Variants in EPB41L5 observed in about 807,000 individuals in gnomAD.
The protein encoded by EPB41L5 is erythrocyte membrane protein band 4.1 like 5, also known as band 4.1-like protein 5.
A neutral mutation model predicts 106.6 loss-of-function variants in EPB41L5; 55 were observed. The ratio of observed to expected loss-of-function variants is 0.52; its 90% confidence interval spans 0.42 to 0.65. The LOEUF is 0.65. Among genes scored for constraint, EPB41L5 ranks in the 30% least tolerant of loss-of-function variants. The pLI, the probability that EPB41L5 is intolerant of heterozygous loss-of-function variation, is 0.00. For synonymous variants in EPB41L5, 297 were observed against 306.7 expected, an observed-to-expected ratio of 0.97 and a Z score of 0.33; for missense variants, 871 against 882.1, an observed-to-expected ratio of 0.99 and a Z score of 0.16.
At chr2:120,130,430 A>G (rs972385542) in intron 17 of EPB41L5, among the ~76,000 whole-genome samples, 2 of 152,220 alleles carry the variant, frequency 1.3e-5, no homozygotes, top group African/African-American at 4.8e-5. Flanking sequence ...CACATAGGTA[A>G]ATAGTTACAA....
intron 21 of EPB41L5, 144 bp downstream of exon 21, chr2:120,161,118 C>G (rs1226805012): frequency 1.9e-5 from 12 of 638,942 alleles, no homozygotes; most frequent in South Asian, 1.5e-4. Context: ...GGGCTCACAC[C>G]TATAATTCCA....
chr2:120,173,882 A>C (rs560199968), intron 24 of EPB41L5, among the ~76,000 whole-genome samples: 1 of 151,958 alleles, frequency 6.6e-6, no homozygotes, highest in South Asian at 2.1e-4. Flanking sequence ...ACGTCATCTC[A>C]CTTTGTTGCC....
intron 4 of EPB41L5, 23 bp from the exon 5 acceptor site, chr2:120,074,077 C>A (rs1318539297): frequency 6.6e-7 from 1 of 1,505,510 alleles, no homozygotes; most frequent in Non-Finnish European, 9.1e-7. Flanking sequence ...TTTATTAAAA[C>A]CTTTTTTTTT....
intron 16 of EPB41L5, chr2:120,105,739 C>G: frequency 3.0e-6 from 3 of 985,320 alleles, no homozygotes; most frequent in Non-Finnish European, 2.4e-6. Flanking sequence ...AAAATGGCCA[C>G]TAATGTATGG....
At chr2:120,031,541 G>GT (rs1405446156) in intron 2 of EPB41L5, among the ~76,000 whole-genome samples, 2 of 152,084 alleles carry the variant, frequency 1.3e-5, no homozygotes, top group Non-Finnish European at 2.9e-5. Flanking sequence ...TCACTTTCCT[G>GT]TTTCCAGTTT....
chr2:120,124,887 T>TA (rs1316908556), intron 16 of EPB41L5, among the ~76,000 whole-genome samples: 1 of 152,264 alleles, frequency 6.6e-6, no homozygotes, highest in African/African-American at 2.4e-5. Context: ...AGATTGAGGT[T>TA]AAACATTTTT....
chr2:120,097,509 G>T (rs1683837346), intron 14 of EPB41L5, among the ~76,000 whole-genome samples: 1 of 152,130 alleles, frequency 6.6e-6, no homozygotes. Context: ...CATTTTTCTT[G>T]TACTGTTTTG....
chr2:120,023,628 C>G (rs1558801530), intron 2 of EPB41L5, among the ~76,000 whole-genome samples: 1 of 152,078 alleles, frequency 6.6e-6, no homozygotes, highest in Non-Finnish European at 1.5e-5. Flanking sequence ...ATGCCTCAAG[C>G]TTTGTTCTTT....
Position 120,055,481 on chromosome 2 carries a change from ATTTTT to A in EPB41L5, c.285+13392_285+13396del, listed in dbSNP as rs34856540. On this transcript the variant is annotated intron_variant, in intron 3 of 24. Transcript: ENST00000263713. ...TGTCTTTCTCTGTATTAGGTTTTTAATTTTTTTTTTTTTTTTTTTTTTTTTGAGAC... is the reference window on the plus strand; with the variant it reads ...TGTCTTTCTCTGTATTAGGTTTTTAATTTTTTTTTTTTTTTTTTTTGAGAC... Among the ~76,000 whole-genome samples the A allele has an allele frequency of 4.9e-4, 42 of 85,572 alleles. 1 individual carries two copies. The South Asian group carries it at 0.015, about 31-fold the overall frequency. The allele number at this position is 85,572 out of a possible 152,430, so 56.1% of individuals were successfully genotyped here. A position where few individuals can be genotyped will look rare whatever the true frequency, so the allele number is the denominator to read the frequency against.
At chr2:120,125,834 G>T (rs1223419839) in intron 16 of EPB41L5, among the ~76,000 whole-genome samples, 1 of 152,130 alleles carries the variant, frequency 6.6e-6, no homozygotes, top group Non-Finnish European at 1.5e-5. Flanking sequence ...ACTGAACTTT[G>T]TCTCAGTAAG....
Position 120,174,998 on chromosome 2 carries a change from T to C in EPB41L5, c.*91T>C. 1.6e-6 allele frequency: 2 copies of C among 1,271,272 alleles called. No homozygotes were observed. Among genetic ancestry groups the C allele is most frequent in the Admixed American group, 1.7e-5 (1 of 58,084 alleles). The allele number at this position is 1,271,272 out of a possible 1,614,324, so 78.7% of individuals were successfully genotyped here. ...GTTGGATTCAGGAGCTTGTCCATTA[T>C]TTGTAGGTAAAAAAAGCTGCACGTA... is the stretch of plus-strand genomic sequence containing the variant. On this transcript the variant is annotated 3_prime_UTR_variant, in exon 25 of 25. Transcript: ENST00000263713.
intron 2 of EPB41L5, 111 bp from the exon 3 acceptor site, chr2:120,041,894 AT>A (rs1223337581): frequency 1.6e-6 from 1 of 641,184 alleles, no homozygotes; most frequent in African/African-American, 1.8e-5. Context: ...TACTTTTGGT[AT>A]TGCAAGTCCT....
chr2:120,035,838 AG>A lies in EPB41L5; in HGVS notation c.181-6165del, dbSNP rs1372707443. Among the ~76,000 whole-genome samples the A allele has an allele frequency of 3.9e-5, 6 of 152,348 alleles. No homozygotes were observed. The East Asian group carries it at 1.2e-3, about 29-fold the overall frequency. On this transcript the variant is annotated intron_variant, in intron 2 of 24. Coordinates refer to ENST00000263713, the MANE Select transcript of EPB41L5 (RefSeq NM_020909.4). ...TTTGGGACAAGATAATGAAGTAATA[AG>A]GGCTTCTAGTGTCCTAAGATTAACC...
In EPB41L5 at chr2:120,048,860, G is replaced by T. The variant is rs550119535; in HGVS notation, c.285+6750G>T. Among the ~76,000 whole-genome samples, 11 of 152,274 alleles carry T rather than the reference G, an allele frequency of 7.2e-5. No individual in the cohort carries two copies. In the South Asian group the frequency reaches 2.1e-3, roughly 29 times the overall value. ...AAATGGGTCCCAGAGATTCTGGTAT[G>T]TTGTGTCTTTGTTCTCATTGATTTC... On this transcript the variant is annotated intron_variant, in intron 3 of 24. Transcript: ENST00000263713.
chr2:120,164,935 A>G (rs1023560606), intron 22 of EPB41L5, 25 bp downstream of exon 22: 2 of 1,515,392 alleles, frequency 1.3e-6, no homozygotes, highest in Non-Finnish European at 1.8e-6. Context: ...AAATAGTATG[A>G]TGGAAAGAAA....
chr2:120,053,086 T>G (rs1366426413), intron 3 of EPB41L5, among the ~76,000 whole-genome samples: 1 of 152,224 alleles, frequency 6.6e-6, no homozygotes, highest in African/African-American at 2.4e-5. Context: ...TTATTTTTTA[T>G]TTTTATTTTT....
At chr2:120,163,185 A>G (rs1687208337) in intron 21 of EPB41L5, among the ~76,000 whole-genome samples, 1 of 151,496 alleles carries the variant, frequency 6.6e-6, no homozygotes. Context: ...AGCCCAGGAA[A>G]TTCAGGCTGC....
At chr2:120,106,716 G>C in intron 16 of EPB41L5, 2 of 985,374 alleles carry the variant, frequency 2.0e-6, no homozygotes. Flanking sequence ...GAAACTTGTA[G>C]AAACACAGCA....
At chr2:120,135,727 T>C (rs1284369514) in intron 18 of EPB41L5, among the ~76,000 whole-genome samples, 1 of 152,050 alleles carries the variant, frequency 6.6e-6, no homozygotes, top group Non-Finnish European at 1.5e-5. Flanking sequence ...ATTTTTATCC[T>C]AAAATAGTAT....
Sources: gnomAD v4.1 joint callset for allele counts (sites outside exome capture counted in the v4.1 genomes callset) on GRCh38, gnomAD v4.1.1 for gene constraint, MANE v1.5 for transcripts, NCBI Gene and HGNC (gene_info 2026-07-23, HGNC 2026-07-21) for gene names.